The following KANK1 variants were observed in gnomAD, a reference collection of about 807,000 sequenced individuals.
KANK1 encodes the protein KN motif and ankyrin repeat domains 1.
Under a neutral mutation model 106.2 loss-of-function variants are expected in KANK1, and 109 were observed. The ratio of observed to expected loss-of-function variants is 1.03; its 90% confidence interval spans 0.88 to 1.20. The LOEUF (loss-of-function observed/expected upper bound fraction) is 1.20. KANK1 is among the 50% of genes most tolerant of loss of function. The pLI is 0.00. For missense variants in KANK1, 2,399 were observed against 1,710.7 expected, an observed-to-expected ratio of 1.40 and a Z score of -7.10; for synonymous variants, 873 against 652.2, an observed-to-expected ratio of 1.34 and a Z score of -5.16.
rs1587167123 is a variant in KANK1 at position 472,252 on chromosome 9, C to G, written c.-441-942C>G. On this transcript the variant is annotated intron_variant, in intron 2 of 15. Transcript: ENST00000382303. ...GACCTCCCCTCAAGCCATGACTGAC[C>G]AAGGAAGTCAATGTCACCACTGAGA... Among the ~76,000 whole-genome samples the G allele has an allele frequency of 2.0e-5, 3 of 152,308 alleles. No homozygotes were observed. The South Asian group carries it at 6.2e-4, about 32-fold the overall frequency.
chr9:697,171 A>G (rs1309567917), intron 2 of KANK1, among the ~76,000 whole-genome samples: 1 of 151,038 alleles, frequency 6.6e-6, no homozygotes, highest in African/African-American at 2.4e-5. Context: ...TCTCGTTTTT[A>G]CCTTTTTTTC....
At chr9:684,411 AAC>A (rs1818150677) in intron 2 of KANK1, 2 of 985,272 alleles carry the variant, frequency 2.0e-6, no homozygotes, top group African/African-American at 1.7e-5. Flanking sequence ...GAAAGAAAAA[AAC>A]ACATACAAAA....
chr9:611,341 A>G (rs531457607), intron 1 of KANK1, among the ~76,000 whole-genome samples: 39 of 152,306 alleles, frequency 2.6e-4, no homozygotes, highest in Admixed American at 1.0e-3. Context: ...TTAATTTCCA[A>G]TGTGTAAGCT....
At chr9:578,134 G>C (rs922688829) in intron 1 of KANK1, among the ~76,000 whole-genome samples, 2 of 152,218 alleles carry the variant, frequency 1.3e-5, no homozygotes, top group African/African-American at 4.8e-5. Flanking sequence ...TTAAAGGGCA[G>C]AACTGAGCCA....
rs780718420 is a variant in KANK1, at chr9:711,836, T to C, written c.1070T>C (p.Val357Ala). The C allele has an allele frequency of 1.3e-5, 21 of 1,613,806 alleles. No individual in the cohort carries two copies. In the African/African-American group the frequency reaches 1.3e-4, roughly 10 times the overall value. Residue 357 changes from valine (V) to alanine (A), a missense_variant, in exon 3 of 12, where the codon GTA (valine) becomes GCA (alanine). Transcript: ENST00000382297. ...IDYEEEEMETVEQSTQRIKEF... is the reference protein window; with the variant it reads ...IDYEEEEMETAEQSTQRIKEF... Reference sequence around the variant, plus strand: ...TATGAGGAGGAAGAAATGGAGACCGTAGAACAGAGCACGCAGAGGATAAAG... The same window carrying C: ...TATGAGGAGGAAGAAATGGAGACCGCAGAACAGAGCACGCAGAGGATAAAG...
chr9:718,369 G>A lies in KANK1; in HGVS notation c.2698+4905G>A, dbSNP rs552049902. ...ACTCTGTCACCCAGGCTAGAGTGCA[G>A]TGGCATGATCACAGCTTGCTGTAGC... On this transcript the variant is annotated intron_variant, in intron 3 of 11. Coordinates refer to ENST00000382297, the MANE Select transcript of KANK1 (RefSeq NM_015158.5). Among the ~76,000 whole-genome samples the A allele has an allele frequency of 7.6e-5, 11 of 144,292 alleles. No individual in the cohort carries two copies. The South Asian group carries it at 2.5e-3, about 32-fold the overall frequency. 94.7% of individuals were successfully genotyped at this position (144,292 alleles called of 152,430 possible).
chr9:634,565 C>T (rs114606509), intron 1 of KANK1, among the ~76,000 whole-genome samples: 1,972 of 152,194 alleles, frequency 0.013, 43 homozygotes, highest in African/African-American at 0.045. Flanking sequence ...GAATTCAGGC[C>T]CCTCCCATTA....
At chr9:635,750 G>C (rs1836977316) in intron 1 of KANK1, among the ~76,000 whole-genome samples, 1 of 136,414 alleles carries the variant, frequency 7.3e-6, no homozygotes, top group South Asian at 2.3e-4. Context: ...CCAGGCTGGA[G>C]TGCAGTGGCA....
intron 2 of KANK1, among the ~76,000 whole-genome samples, chr9:692,602 G>A (rs1205298869): frequency 1.3e-5 from 2 of 148,874 alleles, no homozygotes; most frequent in African/African-American, 5.0e-5. Context: ...TTTAGTATAT[G>A]TGGACAGTTG....
At position 712,084 on chromosome 9, in the gene KANK1, G is replaced by A. The variant is rs764570662; in HGVS notation, c.1318G>A (p.Val440Met). ...LVEMRNCGVS[V>M]TEAMLGVMTE... ...TGAGATGAGAAATTGTGGGGTCAGCGTGACAGAGGCCATGCTTGGAGTGAT... is the reference window on the plus strand; with the variant it reads ...TGAGATGAGAAATTGTGGGGTCAGCATGACAGAGGCCATGCTTGGAGTGAT... The change falls in exon 3 of 12, where the codon GTG becomes ATG. Residue 440 changes from valine to methionine, a missense_variant. Coordinates refer to ENST00000382297, the MANE Select transcript of KANK1 (RefSeq NM_015158.5). 48 of 1,614,040 alleles carry A rather than the reference G, an allele frequency of 3.0e-5. No homozygotes were observed. Among genetic ancestry groups the A allele is most frequent in the South Asian group, 5.5e-5 (5 of 91,088 alleles).
At chr9:691,718 A>C (rs1204794942) in intron 2 of KANK1, among the ~76,000 whole-genome samples, 1 of 147,616 alleles carries the variant, frequency 6.8e-6, no homozygotes, top group Non-Finnish European at 1.5e-5. Context: ...GGCTCAAGTA[A>C]TCCTCCCAGT....
intron 1 of KANK1, among the ~76,000 whole-genome samples, chr9:559,508 C>T (rs1265575545): frequency 6.6e-6 from 1 of 152,054 alleles, no homozygotes; most frequent in Non-Finnish European, 1.5e-5. Context: ...TTCATTATAT[C>T]TTGGGACACT....
chr9:613,489 T>C (rs533452411), intron 1 of KANK1, among the ~76,000 whole-genome samples: 2 of 152,126 alleles, frequency 1.3e-5, no homozygotes, highest in East Asian at 1.9e-4. Context: ...AAGCTATCAT[T>C]AGTGTTAGTG....
intron 1 of KANK1, among the ~76,000 whole-genome samples, chr9:585,217 T>C (rs1002152901): frequency 9.9e-5 from 15 of 152,168 alleles, no homozygotes; most frequent in African/African-American, 2.4e-5. Flanking sequence ...GCTTCAACCA[T>C]CATCTTCAGG....
At chr9:634,563 G>A (rs1836611851) in intron 1 of KANK1, among the ~76,000 whole-genome samples, 1 of 152,106 alleles carries the variant, frequency 6.6e-6, no homozygotes. Flanking sequence ...CAGAATTCAG[G>A]CCCCTCCCAT....
intron 1 of KANK1, among the ~76,000 whole-genome samples, chr9:664,953 G>C (rs1441415191): frequency 2.0e-5 from 3 of 152,090 alleles, no homozygotes; most frequent in Non-Finnish European, 2.9e-5. Flanking sequence ...TATACCCTTT[G>C]TTCATTTGTC....
At chr9:561,002 A>C (rs1427108424) in intron 1 of KANK1, among the ~76,000 whole-genome samples, 1 of 152,178 alleles carries the variant, frequency 6.6e-6, no homozygotes, top group Non-Finnish European at 1.5e-5. Context: ...CTCAGAATTA[A>C]GGAGATAATC....
intron 1 of KANK1, among the ~76,000 whole-genome samples, chr9:568,601 C>T (rs915151876): frequency 2.0e-5 from 3 of 152,112 alleles, no homozygotes; most frequent in African/African-American, 7.2e-5. Context: ...GCTATCATCC[C>T]GCCTCAGCCT....
chr9:580,932 G>A (rs887712269), intron 1 of KANK1, among the ~76,000 whole-genome samples: 2 of 152,220 alleles, frequency 1.3e-5, no homozygotes, highest in African/African-American at 4.8e-5. Flanking sequence ...AGGCAGCTGA[G>A]GCCTGGTGAG....
Sources: allele counts gnomAD v4.1 joint callset (sites outside exome capture counted in the v4.1 genomes callset), GRCh38; gene constraint gnomAD v4.1.1; transcripts MANE v1.5; gene names NCBI Gene and HGNC (gene_info 2026-07-23, HGNC 2026-07-21).